Variants in CNOT10 observed in about 807,000 individuals in gnomAD.
CNOT10 encodes CCR4-NOT transcription complex, subunit 10.
A neutral mutation model predicts 94.6 loss-of-function variants in CNOT10; 30 were observed. The ratio of observed to expected loss-of-function variants is 0.32; its 90% confidence interval spans 0.24 to 0.43. The LOEUF is 0.43. Ranked by LOEUF, CNOT10 falls within the 20% of genes least tolerant of loss-of-function variation. CNOT10 has a pLI of 1.00. For synonymous variants in CNOT10, 289 were observed against 301.6 expected (o/e 0.96, Z 0.43); for missense variants, 759 against 877.2 (o/e 0.87, Z 1.70).
At chr3:32,757,176 T>TTTTA (rs1700258717) in intron 13 of CNOT10, among the ~76,000 whole-genome samples, 2 of 111,794 alleles carry the variant, frequency 1.8e-5, no homozygotes, top group African/African-American at 6.6e-5. Context: ...ACTAATTTTT[T>TTTTA]TTTTTTTTTT....
intron 18 of CNOT10, among the ~76,000 whole-genome samples, chr3:32,772,147 G>A (rs1282240740): frequency 6.6e-6 from 1 of 152,084 alleles, no homozygotes; most frequent in Non-Finnish European, 1.5e-5. Flanking sequence ...TCAGGAGATC[G>A]AGACCATCCT....
intron 13 of CNOT10, among the ~76,000 whole-genome samples, chr3:32,738,853 T>A (rs1321412509): frequency 6.6e-6 from 1 of 151,766 alleles, no homozygotes; most frequent in Non-Finnish European, 1.5e-5. Flanking sequence ...GTTCATAATA[T>A]TTTTTTTACC....
At chr3:32,737,782 C>T (rs1014091146) in intron 13 of CNOT10, among the ~76,000 whole-genome samples, 2 of 151,892 alleles carry the variant, frequency 1.3e-5, no homozygotes, top group Non-Finnish European at 2.9e-5. Context: ...TGCCACTGCA[C>T]TCTAGCCTGA....
At position 32,719,643 on chromosome 3, in the gene CNOT10, A is replaced by G. The variant is rs142022338; in HGVS notation, c.745-471A>G. On this transcript the variant is annotated intron_variant, in intron 7 of 18. Transcript: ENST00000328834. ...AAGGCATTCTGTTGAAAATTCTTCT[A>G]TTTGTAGAATGGCACTTTTTTTTTC... is the stretch of plus-strand genomic sequence containing the variant. Among the ~76,000 whole-genome samples, 47 of 152,254 alleles carry G rather than the reference A, an allele frequency of 3.1e-4. No homozygotes were observed. The East Asian group carries it at 8.5e-3, about 28-fold the overall frequency.
Position 32,727,863 on chromosome 3 carries a change from A to G in CNOT10, c.1208A>G (p.Asn403Ser), listed in dbSNP as rs750678328. 11 of 1,612,608 alleles carry G rather than the reference A, an allele frequency of 6.8e-6. No individual in the cohort carries two copies. Among genetic ancestry groups the G allele is most frequent in the Admixed American group, 5.0e-5 (3 of 59,752 alleles). Reference sequence around the variant, plus strand: ...CTGGCTGAATGCTGCATTGCTGCCAATAAGGGGGTGAGTGCTACTTGGGTA... The same window carrying G: ...CTGGCTGAATGCTGCATTGCTGCCAGTAAGGGGGTGAGTGCTACTTGGGTA... ...LRLAECCIAANKGTSEQETKG... is the reference protein window; with the variant it reads ...LRLAECCIAASKGTSEQETKG... The change falls in exon 10 of 19, where the codon AAT (asparagine) becomes AGT (serine). Residue 403 changes from asparagine to serine, a missense_variant. By Grantham distance (46) the Asn-to-Ser change is conservative (BLOSUM62 1). Transcript: ENST00000328834.
In CNOT10 at chr3:32,713,290, C is replaced by T; in HGVS notation, c.494C>T (p.Ala165Val). 6.3e-7 allele frequency: 1 copy of T among 1,599,142 alleles called. No individual in the cohort carries two copies. Among genetic ancestry groups the T allele is most frequent in the Non-Finnish European group, 8.5e-7 (1 of 1,175,876 alleles). Residue 165 changes from alanine to valine, a missense_variant, in exon 5 of 19, where the codon GCT becomes GTT. Physicochemically the swap from Ala to Val is moderately conservative, Grantham distance 64. Around this residue, in one of 3 missense-constraint regions of CNOT10, gnomAD observed 682 missense variants for 799.4 expected, o/e 0.85. Coordinates refer to ENST00000328834, the MANE Select transcript of CNOT10 (RefSeq NM_015442.3). ...LVDLYILTYQ[A>V]EKALHLLAVL... is the part of the protein sequence containing the mutation. ...GACCTGTATATATTAACCTACCAAG[C>T]TGAGAAAGCTTTGCATCTTCTTGCT...
At position 32,697,241 on chromosome 3, in the gene CNOT10, T is replaced by C. The variant is rs1697116420; in HGVS notation, c.23-6627T>C. Among the ~76,000 whole-genome samples the C allele has an allele frequency of 2.0e-5, 3 of 152,244 alleles. No homozygotes were observed. The South Asian group carries it at 6.2e-4, about 32-fold the overall frequency. ...CTGAGATTATAGGCGTGAGCCACCA[T>C]GTCCAGCCTGATACTTCCATTTTCT... On this transcript the variant is annotated intron_variant, in intron 1 of 18. Transcript: ENST00000328834.
Position 32,737,809 on chromosome 3 carries a change from A to T in CNOT10, c.1595+319A>T, listed in dbSNP as rs114251230. Among the ~76,000 whole-genome samples the T allele has an allele frequency of 5.2e-3, 799 of 152,258 alleles. 6 individuals are homozygous for T. Among genetic ancestry groups the T allele is most frequent in the African/African-American group, 0.018 (736 of 41,554 alleles). ...CTAGCCTGAGCAACTCTGTCTCAAA[A>T]AAAAAAAGAACACATTCTTTTTTAT... On this transcript the variant is annotated intron_variant, in intron 13 of 18. Coordinates refer to ENST00000328834, the MANE Select transcript of CNOT10 (RefSeq NM_015442.3).
intron 11 of CNOT10, 27 bp downstream of exon 11, chr3:32,733,571 A>G (rs369252644): frequency 2.6e-5 from 36 of 1,392,170 alleles, no homozygotes; most frequent in Non-Finnish European, 3.4e-5. Context: ...GAAAAAGTGT[A>G]TATATATTTA....
In CNOT10 at chr3:32,727,661, T is replaced by G. The variant is rs759938791; in HGVS notation, c.1013-7T>G. The G allele has an allele frequency of 6.4e-7, 1 of 1,565,668 alleles. No homozygotes were observed. Among genetic ancestry groups the G allele is most frequent in the South Asian group, 1.1e-5 (1 of 89,960 alleles). On this transcript the variant is annotated splice_polypyrimidine_tract_variant and splice_region_variant and intron_variant, in intron 9 of 18. Transcript: ENST00000328834. Reference sequence around the variant, plus strand: ...ATGATGTATTCTTATCTAATTTTTATCACTAGGTAAAAAATTTTCAGGAAG... The same window carrying G: ...ATGATGTATTCTTATCTAATTTTTAGCACTAGGTAAAAAATTTTCAGGAAG...
chr3:32,764,802 T>C lies in CNOT10; in HGVS notation c.1997T>C (p.Leu666Pro), dbSNP rs1368574156. 6.2e-7 allele frequency: 1 copy of C among 1,614,030 alleles called. No individual in the cohort carries two copies. The highest frequency in any genetic ancestry group is 1.3e-5 in the African/African-American group (1 of 74,908). The change falls in exon 17 of 19, where the codon CTC becomes CCC. Residue 666 changes from leucine to proline, a missense_variant. Transcript: ENST00000328834. ...GAATATGACAAAGCCCGAAAGTGTC[T>C]CCACCAGGTGAGTCCAGAGTGGGAG... is the stretch of plus-strand genomic sequence containing the variant. ...RSEYDKARKC[L>P]HQAASMIHPK... is the part of the protein sequence containing the mutation.
chr3:32,713,303 G>C lies in CNOT10; in HGVS notation c.507G>C (p.Leu169Phe). ...YILTYQAEKA[L>F]HLLAVLEKMI... ...TAACCTACCAAGCTGAGAAAGCTTT[G>C]CATCTTCTTGCTGTCCTAGAAAAAA... The change falls in exon 5 of 19, where the codon TTG becomes TTC. Residue 169 changes from leucine to phenylalanine, a missense_variant. Around this residue, in one of 3 missense-constraint regions of CNOT10, gnomAD observed 682 missense variants for 799.4 expected, o/e 0.85. Transcript: ENST00000328834. The C allele has an allele frequency of 1.2e-6, 2 of 1,601,758 alleles. No homozygotes were observed. Among genetic ancestry groups the C allele is most frequent in the Non-Finnish European group, 1.7e-6 (2 of 1,176,508 alleles).
chr3:32,770,095 C>A, intron 18 of CNOT10, 133 bp downstream of exon 18: 1 of 654,170 alleles, frequency 1.5e-6, no homozygotes, highest in Non-Finnish European at 2.7e-6. Context: ...AGCCTCCAAA[C>A]TCCTAGGCTC....
intron 13 of CNOT10, among the ~76,000 whole-genome samples, chr3:32,748,474 A>C: frequency 6.6e-6 from 1 of 152,130 alleles, no homozygotes. Flanking sequence ...ACAATGATTG[A>C]TCGCAATAGA....
intron 1 of CNOT10, chr3:32,695,633 CTA>C (rs1302554487): frequency 1.3e-6 from 2 of 1,535,650 alleles, no homozygotes; most frequent in African/African-American, 2.7e-5. Context: ...GAAATGAAGT[CTA>C]TTGGTGTAAA....
chr3:32,685,373 T>A lies in CNOT10; in HGVS notation c.-88T>A, dbSNP rs1413627353. On this transcript the variant is annotated 5_prime_UTR_variant, in exon 1 of 19. Transcript: ENST00000328834. ...CGGAGCCGGGGTAGGCACAGAGTTG[T>A]CCTCGGAGGTCCAGGACAGCGGCCA... The A allele has an allele frequency of 3.4e-6, 5 of 1,482,372 alleles. No homozygotes were observed. The South Asian group carries it at 4.8e-5, about 14-fold the overall frequency. 91.8% of individuals were successfully genotyped at this position (1,482,372 alleles called of 1,614,324 possible). A position where few individuals can be genotyped will look rare whatever the true frequency, so the allele number is the denominator to read the frequency against.
chr3:32,754,784 A>G (rs1700148838), intron 13 of CNOT10, among the ~76,000 whole-genome samples: 1 of 149,404 alleles, frequency 6.7e-6, no homozygotes, highest in African/African-American at 2.5e-5. Context: ...GGCCTCCCAT[A>G]GTTCTGGGAT....
intron 8 of CNOT10, among the ~76,000 whole-genome samples, chr3:32,721,196 T>C (rs1698389065): frequency 1.3e-5 from 2 of 150,796 alleles, no homozygotes; most frequent in African/African-American, 4.9e-5. Flanking sequence ...CCTGAGTAGC[T>C]GGGACTACAG....
At chr3:32,763,198 G>A (rs565510794) in intron 15 of CNOT10, among the ~76,000 whole-genome samples, 10 of 152,166 alleles carry the variant, frequency 6.6e-5, no homozygotes, top group South Asian at 2.1e-4. Context: ...TAGTCCAGGC[G>A]TGGTGGCTCA....
Sources: allele counts gnomAD v4.1 joint callset (sites outside exome capture counted in the v4.1 genomes callset), GRCh38; gene constraint gnomAD v4.1.1; regional missense constraint gnomAD v4.1.1; transcripts MANE v1.5; gene names NCBI Gene and HGNC (gene_info 2026-07-23, HGNC 2026-07-21).